Variants in TYW1 observed in about 807,000 individuals in gnomAD.
TYW1 encodes the protein tRNA-yW synthesizing protein 1 homolog.
TYW1 carries 46 observed loss-of-function variants against 96.2 expected under a neutral mutation model. The ratio of observed to expected loss-of-function variants is 0.48; its 90% CI spans 0.38 to 0.61. The LOEUF is 0.61. TYW1 is among the 20% of genes least tolerant of loss of function. The pLI is 0.00. For synonymous variants in TYW1, 274 were observed against 323.0 expected (o/e 0.85, Z 1.63); for missense variants, 684 against 909.6 (o/e 0.75, Z 3.19).
intron 13 of TYW1, among the ~76,000 whole-genome samples, chr7:67,174,420 G>A (rs1471893961): frequency 2.1e-4 from 31 of 151,080 alleles, no homozygotes; most frequent in Non-Finnish European, 5.9e-5. Context: ...GAGCCTCAAA[G>A]GGCTGAAATT....
At chr7:67,228,589 G>A (rs866597314) in intron 15 of TYW1, among the ~76,000 whole-genome samples, 2 of 152,314 alleles carry the variant, frequency 1.3e-5, no homozygotes, top group Non-Finnish European at 1.5e-5. Context: ...ATAGTGTTAC[G>A]TGGAGGAATA....
chr7:67,008,425 C>A (rs1221028560), intron 3 of TYW1, among the ~76,000 whole-genome samples: 1 of 152,202 alleles, frequency 6.6e-6, no homozygotes, highest in African/African-American at 2.4e-5. Context: ...TTTAACTTCT[C>A]ATCAGTTTCT....
chr7:67,025,299 C>G (rs966001963), intron 7 of TYW1, among the ~76,000 whole-genome samples: 2 of 151,704 alleles, frequency 1.3e-5, no homozygotes, highest in Non-Finnish European at 2.9e-5. Context: ...TTTGGCTTTC[C>G]TGGGCCACAT....
At chr7:67,034,113 T>TA (rs1411694257) in intron 7 of TYW1, among the ~76,000 whole-genome samples, 12 of 151,290 alleles carry the variant, frequency 7.9e-5, no homozygotes, top group Non-Finnish European at 1.6e-4. Context: ...TATTTTATTT[T>TA]TTTTTTTTGA....
intron 7 of TYW1, among the ~76,000 whole-genome samples, chr7:67,042,818 G>A (rs982634877): frequency 6.6e-6 from 1 of 151,870 alleles, no homozygotes; most frequent in African/African-American, 2.4e-5. Flanking sequence ...CAAACATGGC[G>A]AAACCTCATT....
chr7:67,029,380 T>C (rs1173826210), intron 7 of TYW1, among the ~76,000 whole-genome samples: 1 of 113,776 alleles, frequency 8.8e-6, no homozygotes, highest in Non-Finnish European at 1.8e-5. Flanking sequence ...TATGTGTGTG[T>C]GCGTGTGTGT....
In TYW1 at chr7:67,055,859, C is replaced by T. The variant is rs1267267668; in HGVS notation, c.1127C>T (p.Ser376Leu). 3 of 1,612,712 alleles carry T rather than the reference C, an allele frequency of 1.9e-6. No individual in the cohort carries two copies. The highest frequency in any genetic ancestry group is 2.5e-6 in the Non-Finnish European group (3 of 1,179,286). ...GGTTATCAGTTGATTGGGAGCCACT[C>T]GGGGGTGAAGCTTTGCAGGTGGACA... is the stretch of plus-strand genomic sequence containing the variant. ...KQGYQLIGSH[S>L]GVKLCRWTKS... The change falls in exon 9 of 16, where the codon TCG (serine) becomes TTG (leucine). Residue 376 changes from serine (S) to leucine (L), a missense_variant. Physicochemically the swap from Ser to Leu is moderately radical, Grantham distance 145 (BLOSUM62 -2). Coordinates refer to ENST00000359626, the MANE Select transcript of TYW1 (RefSeq NM_018264.4).
chr7:67,152,932 A>G (rs1434058389), intron 13 of TYW1, among the ~76,000 whole-genome samples: 1 of 152,108 alleles, frequency 6.6e-6, no homozygotes, highest in Non-Finnish European at 1.5e-5. Flanking sequence ...GCACCTTGGA[A>G]TCTAAAGGAA....
intron 2 of TYW1, 49 bp downstream of exon 2, chr7:66,998,244 T>C (rs1311661109): frequency 5.1e-6 from 8 of 1,568,342 alleles, no homozygotes; most frequent in Non-Finnish European, 6.9e-6. Context: ...CATCAGATTT[T>C]ATAGAGGATT....
chr7:67,014,281 T>C (rs1173229076), intron 4 of TYW1, 86 bp from the exon 5 acceptor site: 2 of 1,493,002 alleles, frequency 1.3e-6, no homozygotes, highest in Middle Eastern at 1.8e-4. Flanking sequence ...TTCTTTGAGA[T>C]GAGTATGCTT....
chr7:67,192,211 G>A (rs2690177), intron 14 of TYW1, among the ~76,000 whole-genome samples: 38,037 of 151,788 alleles, frequency 0.25, 4,951 homozygotes, highest in African/African-American at 0.3. Context: ...AAAGGGTTTT[G>A]TCTGGCAAAA....
At chr7:67,102,091 G>C (rs1298874727) in intron 12 of TYW1, among the ~76,000 whole-genome samples, 3 of 152,112 alleles carry the variant, frequency 2.0e-5, no homozygotes, top group South Asian at 2.1e-4. Flanking sequence ...AAGGGAGTCT[G>C]TCTTAAATTA....
intron 13 of TYW1, among the ~76,000 whole-genome samples, chr7:67,135,320 T>A (rs1163518709): frequency 7.0e-6 from 1 of 143,402 alleles, no homozygotes; most frequent in Non-Finnish European, 1.5e-5. Context: ...TTTTTTTTTT[T>A]TTGAGACAGT....
chr7:67,109,918 C>T (rs1241813859), intron 12 of TYW1, among the ~76,000 whole-genome samples: 1 of 152,122 alleles, frequency 6.6e-6, no homozygotes, highest in Non-Finnish European at 1.5e-5. Flanking sequence ...CTCACAACCA[C>T]AGTGAAAACC....
At chr7:67,091,426 A>AG (rs1796718030) in intron 11 of TYW1, among the ~76,000 whole-genome samples, 1 of 41,962 alleles carries the variant, frequency 2.4e-5, no homozygotes, top group Non-Finnish European at 4.6e-5. Context: ...GGTTGGGGGG[A>AG]GGGGGGAGGG....
intron 10 of TYW1, among the ~76,000 whole-genome samples, chr7:67,078,783 C>G (rs1203711417): frequency 6.6e-6 from 1 of 152,108 alleles, no homozygotes. Context: ...ACCTCCACCT[C>G]CTGGGTTCAA....
intron 13 of TYW1, among the ~76,000 whole-genome samples, chr7:67,131,210 C>T (rs1395215139): frequency 6.6e-6 from 1 of 151,982 alleles, no homozygotes; most frequent in African/African-American, 2.4e-5. Context: ...TCACTTTTCT[C>T]ACCTGTGAAA....
At chr7:67,191,479 C>T (rs533412431) in intron 14 of TYW1, among the ~76,000 whole-genome samples, 2 of 151,876 alleles carry the variant, frequency 1.3e-5, no homozygotes, top group South Asian at 4.2e-4. Context: ...CTGTACCCAT[C>T]TATTTTCTTC....
intron 15 of TYW1, among the ~76,000 whole-genome samples, chr7:67,235,573 T>G (rs1801857414): frequency 6.6e-6 from 1 of 152,074 alleles, no homozygotes; most frequent in South Asian, 2.1e-4. Flanking sequence ...TTTTGATTCT[T>G]TGTATGGTCT....
Sources: gnomAD v4.1 joint callset for allele counts (sites outside exome capture counted in the v4.1 genomes callset) on GRCh38, gnomAD v4.1.1 for gene constraint, MANE v1.5 for transcripts, NCBI Gene and HGNC (gene_info 2026-07-23, HGNC 2026-07-21) for gene names.